The following FILIP1L variants were observed in gnomAD, a reference collection of about 807,000 sequenced individuals.
FILIP1L encodes filamin A-interacting protein 1-like.
Under a neutral mutation model 96.6 loss-of-function variants are expected in FILIP1L, and 55 were observed. The observed-to-expected ratio is 0.57, with a 90% CI of 0.46 to 0.71. The LOEUF is 0.71. Ranked by LOEUF, FILIP1L falls within the 30% of genes least tolerant of loss-of-function variation. The pLI, the probability that FILIP1L is intolerant of heterozygous loss-of-function variation, is 0.00. For synonymous variants in FILIP1L, 467 were observed against 473.9 expected (o/e 0.99, Z 0.19); for missense variants, 1,304 against 1,321.2 (o/e 0.99, Z 0.20).
chr3:99,996,102 A>G (rs1287471425), intron 1 of FILIP1L, among the ~76,000 whole-genome samples: 1 of 152,168 alleles, frequency 6.6e-6, no homozygotes, highest in Non-Finnish European at 1.5e-5. Context: ...CCAAAATTTT[A>G]TGCTCTGCTT....
chr3:99,911,963 T>A (rs1477130842), intron 4 of FILIP1L, among the ~76,000 whole-genome samples: 2 of 152,184 alleles, frequency 1.3e-5, no homozygotes, highest in Non-Finnish European at 2.9e-5. Flanking sequence ...CAAATAATCA[T>A]TTGCTTTCAG....
At chr3:99,865,290 C>A (rs183214352) in intron 4 of FILIP1L, among the ~76,000 whole-genome samples, 1 of 152,234 alleles carries the variant, frequency 6.6e-6, no homozygotes, top group East Asian at 1.9e-4. Context: ...AGCCAGAATG[C>A]CAGTGTAGTT....
In FILIP1L at chr3:99,918,408, G is replaced by A. The variant is rs142004256; in HGVS notation, c.605+5822C>T. On this transcript the variant is annotated intron_variant, in intron 4 of 5. Coordinates refer to ENST00000477258, the MANE Select transcript of FILIP1L (RefSeq NM_001387850.1). ...TCCTGGTTCATCCCTCACTAGGCTT[G>A]TTAATGTTTTCTTTTTAGCATTCAT... Among the ~76,000 whole-genome samples, 578 of 152,306 alleles carry A rather than the reference G, an allele frequency of 3.8e-3. 3 individuals carry two copies. Among genetic ancestry groups the A allele is most frequent in the African/African-American group, 0.013 (550 of 41,564 alleles).
chr3:99,970,426 T>G (rs1708779469), intron 1 of FILIP1L, among the ~76,000 whole-genome samples: 2 of 152,232 alleles, frequency 1.3e-5, no homozygotes, highest in South Asian at 2.1e-4. Flanking sequence ...ATGAATGTGG[T>G]TCACTAGTCA....
chr3:99,982,212 C>T (rs546990141), intron 1 of FILIP1L, among the ~76,000 whole-genome samples: 1 of 152,002 alleles, frequency 6.6e-6, no homozygotes, highest in South Asian at 2.1e-4. Context: ...TATATGCATG[C>T]ATTTCTTATC....
intron 4 of FILIP1L, among the ~76,000 whole-genome samples, chr3:99,920,381 A>G (rs1707087879): frequency 6.6e-6 from 1 of 152,244 alleles, no homozygotes; most frequent in South Asian, 2.1e-4. Flanking sequence ...GCAAAATTAC[A>G]TTGACTAAAA....
intron 4 of FILIP1L, among the ~76,000 whole-genome samples, chr3:99,887,666 T>TTA (rs1182872434): frequency 6.6e-6 from 1 of 152,256 alleles, no homozygotes; most frequent in African/African-American, 2.4e-5. Flanking sequence ...TTTCAATTTC[T>TTA]TATATAAGTA....
chr3:99,948,866 A>C (rs1708095006), intron 1 of FILIP1L, among the ~76,000 whole-genome samples: 1 of 151,984 alleles, frequency 6.6e-6, no homozygotes, highest in South Asian at 2.1e-4. Flanking sequence ...GATTTGCCCC[A>C]CTCCCTCTCA....
At chr3:99,955,071 G>C (rs1410114573) in intron 1 of FILIP1L, among the ~76,000 whole-genome samples, 3 of 152,300 alleles carry the variant, frequency 2.0e-5, no homozygotes, top group Admixed American at 6.5e-5. Flanking sequence ...CAGAAAATTA[G>C]ATCAAGTGCT....
intron 5 of FILIP1L, among the ~76,000 whole-genome samples, chr3:99,836,962 G>A (rs1405094235): frequency 1.3e-5 from 2 of 152,182 alleles, no homozygotes; most frequent in African/African-American, 2.4e-5. Context: ...CTTCCTTATT[G>A]GCAGTCTGAG....
intron 1 of FILIP1L, among the ~76,000 whole-genome samples, chr3:99,990,929 C>T (rs1027986753): frequency 2.0e-5 from 3 of 152,258 alleles, no homozygotes; most frequent in African/African-American, 7.2e-5. Context: ...CTGCCCCTTC[C>T]CTCAAGTAGC....
intron 4 of FILIP1L, among the ~76,000 whole-genome samples, chr3:99,902,474 C>G (rs1374706512): frequency 6.6e-6 from 1 of 152,140 alleles, no homozygotes; most frequent in Non-Finnish European, 1.5e-5. Flanking sequence ...GATTCTATGG[C>G]ATGGTAATAG....
chr3:99,913,649 G>A (rs926666574), intron 4 of FILIP1L, among the ~76,000 whole-genome samples: 2 of 152,132 alleles, frequency 1.3e-5, no homozygotes, highest in Non-Finnish European at 2.9e-5. Flanking sequence ...ATATATGCTT[G>A]TAATAATCTT....
intron 1 of FILIP1L, among the ~76,000 whole-genome samples, chr3:100,087,209 T>G (rs543324954): frequency 6.6e-6 from 1 of 152,362 alleles, no homozygotes; most frequent in African/African-American, 2.4e-5. Flanking sequence ...TGAGTGTTTC[T>G]CTAGGAGTGG....
At chr3:99,988,306 G>T (rs1475889313) in intron 1 of FILIP1L, among the ~76,000 whole-genome samples, 3 of 140,120 alleles carry the variant, frequency 2.1e-5, no homozygotes, top group Admixed American at 7.5e-5. Context: ...GACCATCCTG[G>T]TTAGCATGAC....
At chr3:99,918,098 C>T (rs1249545896) in intron 4 of FILIP1L, among the ~76,000 whole-genome samples, 1 of 152,114 alleles carries the variant, frequency 6.6e-6, no homozygotes, top group Non-Finnish European at 1.5e-5. Flanking sequence ...CTGCCTCAGC[C>T]TCCTGAGTAG....
intron 1 of FILIP1L, among the ~76,000 whole-genome samples, chr3:99,996,864 A>T (rs1182493474): frequency 6.6e-6 from 1 of 151,762 alleles, no homozygotes; most frequent in African/African-American, 2.4e-5. Context: ...ACAATTCAAG[A>T]TGAGATTTGG....
rs765044781 is a variant in FILIP1L at position 99,849,311 on chromosome 3, T to G, written c.2365A>C (p.Arg789=). The G allele has an allele frequency of 8.7e-6, 14 of 1,614,066 alleles. No individual in the cohort carries two copies. The change falls in exon 5 of 6, where the codon AGA becomes CGA. Residue 789 remains arginine (R), a synonymous_variant. Coordinates refer to ENST00000477258, the MANE Select transcript of FILIP1L (RefSeq NM_001387850.1). ...KSLRPSLNGR[R]ISDPQVFSKE... Reference sequence around the variant, plus strand: ...GAAAATACTTGAGGATCGGAAATTCTTCTTCCATTGAGACTAGGCCTGAGG... The same window carrying G: ...GAAAATACTTGAGGATCGGAAATTCGTCTTCCATTGAGACTAGGCCTGAGG...
At chr3:99,993,458 A>G (rs572462939) in intron 1 of FILIP1L, among the ~76,000 whole-genome samples, 77 of 152,002 alleles carry the variant, frequency 5.1e-4, no homozygotes, top group Non-Finnish European at 1.0e-3. Flanking sequence ...TCCAATTTGA[A>G]TGCCTCTTAT....
Sources: allele counts gnomAD v4.1 joint callset (sites outside exome capture counted in the v4.1 genomes callset), GRCh38; gene constraint gnomAD v4.1.1; transcripts MANE v1.5; gene names NCBI Gene and HGNC (gene_info 2026-07-23, HGNC 2026-07-21).